The following GLIS1 variants were observed in gnomAD, a reference collection of about 807,000 sequenced individuals.
GLIS1 encodes the protein GLIS family zinc finger 1.
A neutral mutation model predicts 63.8 loss-of-function variants in GLIS1; 24 were observed. The ratio of observed to expected loss-of-function variants is 0.38; its 90% CI spans 0.27 to 0.53. GLIS1 has a LOEUF of 0.53. Among genes scored for constraint, GLIS1 ranks in the 20% least tolerant of loss-of-function variants. The pLI, the probability that GLIS1 is intolerant of heterozygous loss-of-function variation, is 0.85. For missense variants in GLIS1, 1,036 were observed against 1,074.1 expected, an observed-to-expected ratio of 0.96 and a Z score of 0.50; for synonymous variants, 450 against 482.5, an observed-to-expected ratio of 0.93 and a Z score of 0.88.
At chr1:53,660,036 C>T (rs1195053813) in intron 2 of GLIS1, among the ~76,000 whole-genome samples, 1 of 152,182 alleles carries the variant, frequency 6.6e-6, no homozygotes, top group Non-Finnish European at 1.5e-5. Flanking sequence ...AATTTGGCTC[C>T]GTGGTCACAA....
intron 7 of GLIS1, among the ~76,000 whole-genome samples, chr1:53,516,814 C>A (rs1456591425): frequency 1.3e-5 from 2 of 150,910 alleles, no homozygotes; most frequent in South Asian, 2.1e-4. Context: ...AAAAAAAAAA[C>A]AAAAAACAAA....
intron 5 of GLIS1, among the ~76,000 whole-genome samples, chr1:53,525,265 A>G (rs1460728742): frequency 1.3e-5 from 2 of 151,526 alleles, no homozygotes; most frequent in African/African-American, 4.8e-5. Flanking sequence ...GAGTGCAGTC[A>G]GACAGCTGCT....
At chr1:53,679,902 C>T (rs1290780786) in intron 2 of GLIS1, among the ~76,000 whole-genome samples, 1 of 152,194 alleles carries the variant, frequency 6.6e-6, no homozygotes, top group Non-Finnish European at 1.5e-5. Flanking sequence ...CAGCTCCTAC[C>T]CACACCTGAG....
intron 2 of GLIS1, among the ~76,000 whole-genome samples, chr1:53,709,395 C>CATACAT (rs1646619378): frequency 9.1e-5 from 2 of 22,030 alleles, no homozygotes; most frequent in Non-Finnish European, 2.0e-4. Context: ...CATATATATA[C>CATACAT]ATATACATAT....
chr1:53,613,342 A>G (rs1039269010), intron 2 of GLIS1, among the ~76,000 whole-genome samples: 8 of 152,262 alleles, frequency 5.3e-5, no homozygotes, highest in African/African-American at 1.9e-4. Flanking sequence ...GAATGTCTTT[A>G]TAGACCTATC....
chr1:53,698,642 C>T (rs1388349119), intron 2 of GLIS1, among the ~76,000 whole-genome samples: 1 of 152,234 alleles, frequency 6.6e-6, no homozygotes, highest in African/African-American at 2.4e-5. Flanking sequence ...CCACCTGGGT[C>T]CGGGTAGACC....
At chr1:53,573,686 G>A (rs749620543) in intron 4 of GLIS1, among the ~76,000 whole-genome samples, 7 of 152,320 alleles carry the variant, frequency 4.6e-5, no homozygotes, top group East Asian at 3.9e-4. Context: ...AGTTAGAGAC[G>A]TGGTGTGAGG....
chr1:53,695,596 G>C (rs777107858), intron 2 of GLIS1, among the ~76,000 whole-genome samples: 2 of 152,162 alleles, frequency 1.3e-5, no homozygotes, highest in Non-Finnish European at 2.9e-5. Context: ...CCCGACCCTG[G>C]GCCTCTTCCC....
At chr1:53,592,516 T>C (rs550331381) in intron 4 of GLIS1, among the ~76,000 whole-genome samples, 167 of 152,252 alleles carry the variant, frequency 1.1e-3, no homozygotes, top group African/African-American at 3.8e-3. Flanking sequence ...CGGGGAGATA[T>C]GGGGGCCCAG....
chr1:53,663,033 T>C (rs1363636932), intron 2 of GLIS1, among the ~76,000 whole-genome samples: 1 of 152,140 alleles, frequency 6.6e-6, no homozygotes, highest in Non-Finnish European at 1.5e-5. Context: ...GAATGGCCTC[T>C]TCCATCACCC....
chr1:53,523,577 G>A (rs1205692515), intron 6 of GLIS1, among the ~76,000 whole-genome samples: 1 of 152,090 alleles, frequency 6.6e-6, no homozygotes, highest in East Asian at 1.9e-4. Flanking sequence ...CCCTGAGTTG[G>A]CCCCTGGTGT....
intron 2 of GLIS1, among the ~76,000 whole-genome samples, chr1:53,693,666 C>G (rs1008843339): frequency 6.6e-6 from 1 of 151,994 alleles, no homozygotes; most frequent in Non-Finnish European, 1.5e-5. Flanking sequence ...TCGGGGTCGC[C>G]AAGGGTGTGG....
intron 2 of GLIS1, among the ~76,000 whole-genome samples, chr1:53,638,686 C>T (rs942912978): frequency 6.6e-6 from 1 of 152,176 alleles, no homozygotes; most frequent in African/African-American, 2.4e-5. Context: ...GAGGACCTGG[C>T]CAGCCTACCT....
intron 1 of GLIS1, among the ~76,000 whole-genome samples, chr1:53,738,832 C>G (rs536936215): frequency 3.9e-4 from 60 of 152,300 alleles, no homozygotes; most frequent in African/African-American, 1.4e-3. Flanking sequence ...GAGGCACGCC[C>G]GGGGACGGAC....
chr1:53,693,414 G>A (rs1646429122), intron 2 of GLIS1, among the ~76,000 whole-genome samples: 1 of 152,324 alleles, frequency 6.6e-6, no homozygotes, highest in East Asian at 1.9e-4. Flanking sequence ...CTCGGGGGCA[G>A]GCATCTGGCC....
chr1:53,509,101 C>A lies in GLIS1; in HGVS notation c.2230+19G>T. The A allele has an allele frequency of 6.5e-7, 1 of 1,545,092 alleles. No individual in the cohort carries two copies. Reference sequence around the variant, plus strand: ...CTCGGCAGGTGCCCAGGACTGGGAGCCACGCAGGCAGGGCTCACCTGTGGC... The same window carrying A: ...CTCGGCAGGTGCCCAGGACTGGGAGACACGCAGGCAGGGCTCACCTGTGGC... On this transcript the variant is annotated intron_variant, in intron 10 of 10. Coordinates refer to ENST00000628545, the MANE Select transcript of GLIS1 (RefSeq NM_001367484.1).
At chr1:53,575,631 G>A (rs1297885858) in intron 4 of GLIS1, among the ~76,000 whole-genome samples, 1 of 152,196 alleles carries the variant, frequency 6.6e-6, no homozygotes, top group African/African-American at 2.4e-5. Flanking sequence ...TCTGGACTAT[G>A]AGCACTTCCA....
chr1:53,686,207 C>T (rs1646335671), intron 2 of GLIS1, among the ~76,000 whole-genome samples: 1 of 152,178 alleles, frequency 6.6e-6, no homozygotes. Context: ...AAGCTGGGTA[C>T]TCAGTAAATG....
At chr1:53,571,155 A>G (rs1182533197) in intron 4 of GLIS1, among the ~76,000 whole-genome samples, 2 of 152,236 alleles carry the variant, frequency 1.3e-5, no homozygotes, top group South Asian at 2.1e-4. Context: ...TAAACTGTGA[A>G]AAGTGCTCAA....
Sources: gnomAD v4.1 joint callset for allele counts (sites outside exome capture counted in the v4.1 genomes callset) on GRCh38, gnomAD v4.1.1 for gene constraint, MANE v1.5 for transcripts, NCBI Gene and HGNC (gene_info 2026-07-23, HGNC 2026-07-21) for gene names.